C16orf89: variants seen among roughly 807,000 people sequenced by gnomAD.
The protein encoded by C16orf89 is chromosome 16 open reading frame 89, also known as UPF0764 protein C16orf89.
Under a neutral mutation model 41.5 loss-of-function variants are expected in C16orf89, and 57 were observed. The observed-to-expected ratio is 1.38, with a 90% CI of 1.11 to 1.71. C16orf89 has a LOEUF of 1.71. Among genes scored for constraint, C16orf89 ranks in the 40% most tolerant of loss-of-function variants. The pLI is 0.00. For missense variants in C16orf89, 575 were observed against 445.9 expected, an observed-to-expected ratio of 1.29 and a Z score of -2.61; for synonymous variants, 223 against 190.6, an observed-to-expected ratio of 1.17 and a Z score of -1.40.
chr16:5,059,924 G>C (rs532781238), intron 3 of C16orf89, among the ~76,000 whole-genome samples: 1 of 151,968 alleles, frequency 6.6e-6, no homozygotes, highest in African/African-American at 2.4e-5. Flanking sequence ...TGGGTGGGGT[G>C]GGGGGAGCAA....
At chr16:5,057,028 CG>C (rs147880304) in intron 4 of C16orf89, among the ~76,000 whole-genome samples, 15,411 of 151,572 alleles carry the variant, frequency 0.1, 923 homozygotes, top group Non-Finnish European at 0.14. Flanking sequence ...TCACGAGGTC[CG>C]GAATTCAAGA....
intron 6 of C16orf89, among the ~76,000 whole-genome samples, chr16:5,052,099 C>CAAAAAAA (rs35641084): frequency 2.5e-5 from 2 of 78,732 alleles, no homozygotes; most frequent in African/African-American, 5.0e-5. Flanking sequence ...GAGACTGTCT[C>CAAAAAAA]AAAAAAAAAA....
chr16:5,060,100 G>A (rs1047529171), intron 3 of C16orf89, 186 bp downstream of exon 3: 17 of 596,034 alleles, frequency 2.9e-5, no homozygotes, highest in African/African-American at 1.3e-4. Flanking sequence ...GCCAGCGGGC[G>A]GCTGGAGCAA....
At chr16:5,052,820 C>G (rs900510157) in intron 6 of C16orf89, among the ~76,000 whole-genome samples, 1 of 152,198 alleles carries the variant, frequency 6.6e-6, no homozygotes, top group Non-Finnish European at 1.5e-5. Context: ...GAAGAGACAT[C>G]TGCACCCCCA....
intron 7 of C16orf89, among the ~76,000 whole-genome samples, chr16:5,045,632 A>G (rs953413001): frequency 6.6e-6 from 1 of 152,176 alleles, no homozygotes; most frequent in Non-Finnish European, 1.5e-5. Context: ...TATGCCAAAT[A>G]CAATGGGGAG....
chr16:5,062,535 G>C lies in C16orf89; in HGVS notation c.248C>G (p.Pro83Arg). Residue 83 changes from proline (P) to arginine (R), a missense_variant, in exon 2 of 8, where the codon CCC (proline) becomes CGC (arginine). Pro to Arg is a moderately radical substitution (Grantham distance 103). Transcript: ENST00000472572. ...KSVREKWAQE[P>R]LLQPLSLRVG... ...GCGCAGGCTCAGCGGCTGCAGCAGGGGCTCCTGGGCCCACTTCTCCCGGAC... is the reference window on the plus strand; with the variant it reads ...GCGCAGGCTCAGCGGCTGCAGCAGGCGCTCCTGGGCCCACTTCTCCCGGAC... 1 of 1,613,630 alleles carries C rather than the reference G, an allele frequency of 6.2e-7. No homozygotes were observed. The highest frequency in any genetic ancestry group is 8.5e-7 in the Non-Finnish European group (1 of 1,179,728).
chr16:5,053,924 T>G (rs1049296387), intron 6 of C16orf89, among the ~76,000 whole-genome samples: 1 of 152,210 alleles, frequency 6.6e-6, no homozygotes, highest in Non-Finnish European at 1.5e-5. Context: ...CGTCTGCTCA[T>G]TACATATTGT....
intron 4 of C16orf89, among the ~76,000 whole-genome samples, chr16:5,057,122 C>A (rs1261671536): frequency 6.6e-6 from 1 of 151,492 alleles, no homozygotes; most frequent in Non-Finnish European, 1.5e-5. Context: ...CCTGTAATCC[C>A]AGCTACTTGG....
At chr16:5,044,953 C>G in intron 7 of C16orf89, 2 of 1,205,044 alleles carry the variant, frequency 1.7e-6, no homozygotes, top group Non-Finnish European at 2.1e-6. Flanking sequence ...TGCTCTTCCG[C>G]CAGCTGCTAA....
intron 7 of C16orf89, among the ~76,000 whole-genome samples, chr16:5,045,491 C>T (rs1351904188): frequency 1.3e-5 from 2 of 152,184 alleles, no homozygotes; most frequent in African/African-American, 4.8e-5. Flanking sequence ...GCCAGGAATT[C>T]TTTCCTCCCT....
chr16:5,045,048 G>T (rs1295058641), intron 7 of C16orf89, among the ~76,000 whole-genome samples: 1 of 152,170 alleles, frequency 6.6e-6, no homozygotes, highest in Non-Finnish European at 1.5e-5. Context: ...GGCCCAGGGG[G>T]ATGACTCTGG....
chr16:5,048,056 T>A (rs1259786633), intron 6 of C16orf89, 92 bp from the exon 7 acceptor site: 2 of 733,272 alleles, frequency 2.7e-6, no homozygotes, highest in Non-Finnish European at 4.6e-6. Flanking sequence ...AGAGACAGGG[T>A]CTCATTCTAT....
intron 5 of C16orf89, 111 bp downstream of exon 5, chr16:5,055,938 CGTGT>C (rs531301214): frequency 0.026 from 23,176 of 901,888 alleles, 283 homozygotes; most frequent in East Asian, 0.087. Flanking sequence ...CTGGCAACTC[CGTGT>C]GTGTGTGTGT....
At chr16:5,065,638 G>T (rs931540895) in intron 1 of C16orf89, 63 bp downstream of exon 1, 29 of 1,514,058 alleles carry the variant, frequency 1.9e-5, no homozygotes, top group Middle Eastern at 1.7e-4. Context: ...ACAGAGCAGG[G>T]CAGGGGACAA....
intron 3 of C16orf89, 45 bp downstream of exon 3, chr16:5,060,241 T>C (rs918363971): frequency 6.4e-7 from 1 of 1,563,074 alleles, no homozygotes; most frequent in South Asian, 1.2e-5. Flanking sequence ...AGCTGAGAAC[T>C]AGTGCGTTTG....
At chr16:5,064,716 G>A (rs1956699444) in intron 1 of C16orf89, among the ~76,000 whole-genome samples, 2 of 152,178 alleles carry the variant, frequency 1.3e-5, no homozygotes, top group Non-Finnish European at 2.9e-5. Context: ...TTATTGAGAG[G>A]AGAAGGGGCA....
Position 5,060,300 on chromosome 16 carries a change from C to A in C16orf89, c.495G>T (p.Gln165His). 6.2e-7 allele frequency: 1 copy of A among 1,609,988 alleles called. No homozygotes were observed. The highest frequency in any genetic ancestry group is 1.3e-5 in the African/African-American group (1 of 74,948). The change falls in exon 3 of 8, where the codon CAG (glutamine) becomes CAT (histidine). Residue 165 changes from glutamine to histidine, a missense_variant. Coordinates refer to ENST00000472572, the MANE Select transcript of C16orf89 (RefSeq NM_001098514.3). ...GCAGGGCCCACCCGGTTCCCAGCAG[C>A]TGCACCAGGCACACGTCACTTCTCT... Reference protein sequence around the residue: ...SEERSDVCLVQLLGTGTDSSE... With the variant: ...SEERSDVCLVHLLGTGTDSSE...
chr16:5,056,905 G>A, intron 4 of C16orf89, among the ~76,000 whole-genome samples: 1 of 152,198 alleles, frequency 6.6e-6, no homozygotes, highest in South Asian at 2.1e-4. Context: ...GAATCACATT[G>A]TTTTTTGAAT....
At chr16:5,055,596 A>C in intron 5 of C16orf89, 1 of 1,311,680 alleles carries the variant, frequency 7.6e-7, no homozygotes, top group East Asian at 2.5e-5. Context: ...GGATCAGTGG[A>C]GGAGTTTGGA....
Sources: gnomAD v4.1 joint callset for allele counts (sites outside exome capture counted in the v4.1 genomes callset) on GRCh38, gnomAD v4.1.1 for gene constraint, MANE v1.5 for transcripts, NCBI Gene and HGNC (gene_info 2026-07-23, HGNC 2026-07-21) for gene names.